Variants in ATRNL1 observed in about 807,000 individuals in gnomAD.
ATRNL1 encodes the protein attractin-like protein 1.
ATRNL1 carries 95 observed loss-of-function variants against 182.7 expected under a neutral mutation model. That is an observed-to-expected ratio of 0.52 (90% CI 0.44 to 0.62). The LOEUF is 0.62. Among genes scored for constraint, ATRNL1 ranks in the 20% least tolerant of loss-of-function variants. The pLI, the probability that ATRNL1 is intolerant of heterozygous loss-of-function variation, is 0.00. For missense variants in ATRNL1, 1,471 were observed against 1,679.5 expected (o/e 0.88, Z 2.17); for synonymous variants, 576 against 568.3 (o/e 1.01, Z -0.19).
intron 26 of ATRNL1, among the ~76,000 whole-genome samples, chr10:115,669,896 G>C (rs182935431): frequency 7.2e-4 from 109 of 152,052 alleles, no homozygotes; most frequent in Non-Finnish European, 1.1e-3. Flanking sequence ...AACAAGAAAA[G>C]GTGTTATTAC....
At chr10:115,125,216 T>C (rs576745683) in intron 3 of ATRNL1, among the ~76,000 whole-genome samples, 34 of 152,312 alleles carry the variant, frequency 2.2e-4, no homozygotes, top group South Asian at 8.3e-4. Flanking sequence ...AGGAGTTCTT[T>C]ATATGCATTA....
At chr10:115,584,630 T>A (rs1230346711) in intron 26 of ATRNL1, among the ~76,000 whole-genome samples, 2 of 150,442 alleles carry the variant, frequency 1.3e-5, no homozygotes, top group Non-Finnish European at 3.0e-5. Context: ...TCTATTTGAT[T>A]CTTCTCTCTT....
chr10:115,753,540 G>A (rs576763796), intron 27 of ATRNL1, among the ~76,000 whole-genome samples: 2 of 152,274 alleles, frequency 1.3e-5, no homozygotes, highest in East Asian at 3.9e-4. Flanking sequence ...ATTCCATGGT[G>A]TATATGTGCC....
rs576403933 is a variant in ATRNL1 at position 115,120,847 on chromosome 10, T to C, written c.377+579T>C. Among the ~76,000 whole-genome samples, 82 of 152,320 alleles carry C rather than the reference T, an allele frequency of 5.4e-4. 2 individuals are homozygous for C. The highest frequency in any genetic ancestry group is 8.8e-5 in the Non-Finnish European group (6 of 68,014). ...TCTAACTTAAAAGCTGTTCATTCTC[T>C]GCTGTGCACCTGTAGTTACATTTTG... On this transcript the variant is annotated intron_variant, in intron 2 of 28. Transcript: ENST00000355044.
At chr10:115,801,055 T>A (rs2134235127) in intron 27 of ATRNL1, among the ~76,000 whole-genome samples, 1 of 152,356 alleles carries the variant, frequency 6.6e-6, no homozygotes, top group Non-Finnish European at 1.5e-5. Context: ...GAAAAGTTTT[T>A]GTCTTCCTAG....
chr10:115,897,325 C>G (rs1157369333), intron 28 of ATRNL1, among the ~76,000 whole-genome samples: 1 of 151,978 alleles, frequency 6.6e-6, no homozygotes, highest in African/African-American at 2.4e-5. Context: ...CATGCTCATG[C>G]GTTGTTGGAG....
At chr10:115,390,885 A>G (rs948805767) in intron 19 of ATRNL1, among the ~76,000 whole-genome samples, 4 of 152,158 alleles carry the variant, frequency 2.6e-5, no homozygotes, top group African/African-American at 9.7e-5. Context: ...GGTTAAATTT[A>G]CTTCCAAGTA....
rs377508560 is a variant in ATRNL1, at chr10:115,403,621, AT to A, written c.3269+8874del. Among the ~76,000 whole-genome samples, 103 of 152,052 alleles carry A rather than the reference AT, an allele frequency of 6.8e-4. 2 individuals carry two copies. In the South Asian group the frequency reaches 0.021, roughly 31 times the overall value. On this transcript the variant is annotated intron_variant, in intron 20 of 28. Coordinates refer to ENST00000355044, the MANE Select transcript of ATRNL1 (RefSeq NM_207303.4). ...AGGCACTCGCCACCGCACCCGGCTAATTTTTGTATTTTTATGAGAGATGGGG... is the reference window on the plus strand; with the variant it reads ...AGGCACTCGCCACCGCACCCGGCTAATTTTGTATTTTTATGAGAGATGGGG...
intron 27 of ATRNL1, among the ~76,000 whole-genome samples, chr10:115,792,754 T>A (rs1028752728): frequency 2.0e-5 from 3 of 152,048 alleles, no homozygotes; most frequent in Non-Finnish European, 4.4e-5. Flanking sequence ...TATTTCTTCA[T>A]TCAAAGAACA....
chr10:115,544,910 GC>G (rs1852560130), intron 25 of ATRNL1, among the ~76,000 whole-genome samples: 2 of 152,022 alleles, frequency 1.3e-5, no homozygotes, highest in African/African-American at 2.4e-5. Flanking sequence ...TTTATTGTTT[GC>G]CTGTTTGTTT....
intron 5 of ATRNL1, among the ~76,000 whole-genome samples, chr10:115,135,448 G>C (rs1845461705): frequency 6.6e-6 from 1 of 152,058 alleles, no homozygotes; most frequent in Non-Finnish European, 1.5e-5. Context: ...GCTTCAAAGA[G>C]AATAAAATAC....
intron 25 of ATRNL1, among the ~76,000 whole-genome samples, chr10:115,520,862 A>G (rs1036362785): frequency 6.6e-6 from 1 of 152,202 alleles, no homozygotes. Flanking sequence ...TACTCTGAAA[A>G]CAATCATGTT....
chr10:115,448,480 A>G (rs2134473180), intron 21 of ATRNL1, among the ~76,000 whole-genome samples: 1 of 152,328 alleles, frequency 6.6e-6, no homozygotes. Flanking sequence ...AATAATGAGA[A>G]CAAAGCTAAA....
intron 18 of ATRNL1, among the ~76,000 whole-genome samples, chr10:115,329,313 A>G (rs1357056230): frequency 3.3e-5 from 5 of 152,158 alleles, no homozygotes; most frequent in African/African-American, 1.2e-4. Context: ...CATATTAGCT[A>G]ACCTGAAGAA....
At chr10:115,140,537 C>T (rs1554877790) in intron 5 of ATRNL1, among the ~76,000 whole-genome samples, 1 of 151,958 alleles carries the variant, frequency 6.6e-6, no homozygotes, top group Non-Finnish European at 1.5e-5. Flanking sequence ...ATTTTTTTTC[C>T]TATTCTACAG....
At chr10:115,765,116 A>G (rs1255548577) in intron 27 of ATRNL1, among the ~76,000 whole-genome samples, 1 of 152,192 alleles carries the variant, frequency 6.6e-6, no homozygotes, top group African/African-American at 2.4e-5. Flanking sequence ...ACAATTATGA[A>G]TTATGCTGCT....
At chr10:115,335,157 T>C (rs1855422224) in intron 19 of ATRNL1, among the ~76,000 whole-genome samples, 1 of 152,208 alleles carries the variant, frequency 6.6e-6, no homozygotes, top group African/African-American at 2.4e-5. Context: ...GTAAATAATA[T>C]TTGTTCTTTA....
At chr10:115,597,889 G>T in intron 26 of ATRNL1, 1 of 225,740 alleles carries the variant, frequency 4.4e-6, no homozygotes, top group East Asian at 1.6e-4. Flanking sequence ...GTTCATTTCT[G>T]TAGTAGATTA....
chr10:115,354,944 A>G (rs1314990031), intron 19 of ATRNL1, among the ~76,000 whole-genome samples: 1 of 151,888 alleles, frequency 6.6e-6, no homozygotes, highest in Non-Finnish European at 1.5e-5. Flanking sequence ...TGCTTGATCA[A>G]TTTTGTTTTT....
Sources: gnomAD v4.1 joint callset for allele counts (sites outside exome capture counted in the v4.1 genomes callset) on GRCh38, gnomAD v4.1.1 for gene constraint, MANE v1.5 for transcripts, NCBI Gene and HGNC (gene_info 2026-07-23, HGNC 2026-07-21) for gene names.